Variants in RPAP3 observed in about 807,000 individuals in gnomAD.
The protein encoded by RPAP3 is RNA polymerase II-associated protein 3.
In RPAP3, 58 loss-of-function variants were observed where a neutral mutation model predicts 88.8. That is an observed-to-expected ratio of 0.65 (90% CI 0.53 to 0.81). RPAP3 has a LOEUF of 0.81. Ranked by LOEUF, RPAP3 falls within the 40% of genes least tolerant of loss-of-function variation. The pLI, the probability that RPAP3 is intolerant of heterozygous loss-of-function variation, is 0.00. For missense variants in RPAP3, 751 were observed against 764.3 expected (o/e 0.98, Z 0.20); for synonymous variants, 255 against 259.9 (o/e 0.98, Z 0.18).
chr12:47,672,310 C>T (rs1295615800), intron 12 of RPAP3, among the ~76,000 whole-genome samples: 2 of 152,204 alleles, frequency 1.3e-5, no homozygotes, highest in Non-Finnish European at 2.9e-5. Context: ...AATCCTGAGA[C>T]TCATTCTCTT....
At chr12:47,664,874 A>G (rs891144844) in intron 16 of RPAP3, 3 of 152,208 alleles carry the variant, frequency 2.0e-5, no homozygotes, top group Admixed American at 2.0e-4. Flanking sequence ...ATAAACATAC[A>G]CATGAACCAC....
intron 8 of RPAP3, 48 bp from the exon 9 acceptor site, chr12:47,686,955 A>C (rs758413216): frequency 1.7e-6 from 2 of 1,168,160 alleles, no homozygotes; most frequent in African/African-American, 1.6e-5. Flanking sequence ...AATTTCAAAA[A>C]AAATAAATGA....
At chr12:47,671,619 CAT>C (rs1231470485) in intron 12 of RPAP3, among the ~76,000 whole-genome samples, 2 of 152,138 alleles carry the variant, frequency 1.3e-5, no homozygotes, top group Admixed American at 1.3e-4. Flanking sequence ...AAAGAATAAT[CAT>C]ATTAAGTTAA....
intron 9 of RPAP3, among the ~76,000 whole-genome samples, chr12:47,682,805 T>C (rs1158348749): frequency 6.6e-6 from 1 of 152,188 alleles, no homozygotes; most frequent in Non-Finnish European, 1.5e-5. Flanking sequence ...ACATCTCTGA[T>C]TTATTTAACT....
chr12:47,686,475 A>G (rs762617745), intron 9 of RPAP3, among the ~76,000 whole-genome samples: 9 of 151,960 alleles, frequency 5.9e-5, no homozygotes, highest in Admixed American at 2.0e-4. Flanking sequence ...ATTAACAAGA[A>G]CATCTACTGA....
intron 4 of RPAP3, among the ~76,000 whole-genome samples, chr12:47,696,639 GA>G (rs1182035735): frequency 6.6e-6 from 1 of 151,298 alleles, no homozygotes; most frequent in African/African-American, 2.4e-5. Flanking sequence ...TACTCAATAT[GA>G]AGATGACAAA....
chr12:47,668,873 G>T (rs777505488), intron 14 of RPAP3, 43 bp downstream of exon 14: 8 of 1,471,890 alleles, frequency 5.4e-6, no homozygotes, highest in African/African-American at 1.4e-5. Flanking sequence ...GAAGTTCTCT[G>T]ACCTTTTACT....
At chr12:47,683,772 C>T (rs1328677989) in intron 9 of RPAP3, among the ~76,000 whole-genome samples, 1 of 152,176 alleles carries the variant, frequency 6.6e-6, no homozygotes, top group East Asian at 1.9e-4. Context: ...CTCTGCCTAG[C>T]TCCTTAGCCC....
rs1465414297 is a variant in RPAP3 at position 47,696,392 on chromosome 12, G to GT, written c.428dup (p.Tyr143Ter). 6.3e-7 allele frequency: 1 copy of GT among 1,576,904 alleles called. No individual in the cohort carries two copies. Among genetic ancestry groups the GT allele is most frequent in the Non-Finnish European group, 8.6e-7 (1 of 1,159,634 alleles). Residue 143 changes from tyrosine (Y) to a stop codon, truncating the protein, a stop_gained and frameshift_variant, in exon 5 of 17, where the codon TAC (tyrosine) becomes TAAC (stop). Transcript: ENST00000005386. LOFTEE classifies it high-confidence loss of function. Reference sequence around the variant, plus strand: ...CTTCATCATATTTTCCTTGTTTGAAGTATTTATTGCCCTGAAAGAAAATTA... The same window carrying GT: ...CTTCATCATATTTTCCTTGTTTGAAGTTATTTATTGCCCTGAAAGAAAATTA... ...ALVLKEKGNKYFKQGKYDEAI... is the reference protein window; with the variant it reads ...ALVLKEKGNK
Position 47,661,325 on chromosome 12 carries a change from CT to C in RPAP3, c.*2179del, listed in dbSNP as rs1938756394. On this transcript the variant is annotated 3_prime_UTR_variant, in exon 17 of 17. Coordinates refer to ENST00000005386, the MANE Select transcript of RPAP3 (RefSeq NM_024604.3). ...GCAACAATATGACAGCCCCTAAAGA[CT>C]GTTCTTTATTCTAATCACTTTTAGG... is the stretch of plus-strand genomic sequence containing the variant. 1 of 151,942 alleles carries C rather than the reference CT, an allele frequency of 6.6e-6. No homozygotes were observed. The highest frequency in any genetic ancestry group is 1.5e-5 in the Non-Finnish European group (1 of 68,008). 9.4% of individuals were successfully genotyped at this position (151,942 alleles called of 1,614,324 possible).
intron 12 of RPAP3, 59 bp downstream of exon 12, chr12:47,679,434 C>T (rs2136621017): frequency 1.8e-6 from 2 of 1,132,918 alleles, no homozygotes; most frequent in East Asian, 2.4e-5. Flanking sequence ...AGTTGGTTTC[C>T]AATTCTCCTA....
rs905962045 is a variant in RPAP3, at chr12:47,702,427, G to A, written c.153+261C>T. On this transcript the variant is annotated intron_variant, in intron 2 of 16. Transcript: ENST00000005386. ...AAAGTAGCTGGGCGTGGTGGTGCAC[G>A]CCTGTAGTCCCAGTTACTCAGGAGG... 2.6e-5 allele frequency among the ~76,000 whole-genome samples: 4 copies of A among 151,702 alleles called. No individual in the cohort carries two copies. In the East Asian group the frequency reaches 5.8e-4, roughly 22 times the overall value.
intron 5 of RPAP3, among the ~76,000 whole-genome samples, chr12:47,692,745 C>A (rs1285186709): frequency 6.6e-6 from 1 of 152,208 alleles, no homozygotes; most frequent in African/African-American, 2.4e-5. Flanking sequence ...CACAAGAGGC[C>A]TAGCTTTCAG....
chr12:47,680,370 G>A (rs185308734), intron 10 of RPAP3, among the ~76,000 whole-genome samples: 3 of 152,220 alleles, frequency 2.0e-5, no homozygotes, highest in Admixed American at 2.0e-4. Context: ...TTCTGGTGAT[G>A]GACAGTGGTG....
chr12:47,687,850 T>C, intron 8 of RPAP3, 26 bp downstream of exon 8: 1 of 1,607,188 alleles, frequency 6.2e-7, no homozygotes, highest in Non-Finnish European at 8.5e-7. Context: ...ACATATACAT[T>C]GTACGTTGGA....
intron 2 of RPAP3, among the ~76,000 whole-genome samples, chr12:47,702,226 CTT>C (rs1200439948): frequency 2.0e-5 from 3 of 152,118 alleles, no homozygotes; most frequent in Non-Finnish European, 4.4e-5. Context: ...ATTACAAAGA[CTT>C]TTTGAAAAGC....
At chr12:47,674,268 A>G (rs1037135873) in intron 12 of RPAP3, among the ~76,000 whole-genome samples, 4 of 152,172 alleles carry the variant, frequency 2.6e-5, no homozygotes, top group African/African-American at 9.7e-5. Context: ...GACCAAAGGG[A>G]GATTAAACCA....
At chr12:47,705,802 C>T (rs888329448) in intron 1 of RPAP3, 150 bp downstream of exon 1, 20 of 158,042 alleles carry the variant, frequency 1.3e-4, no homozygotes, top group Non-Finnish European at 1.1e-4. Context: ...CTGCCCTGGA[C>T]ACCGACGCGC....
chr12:47,664,634 T>G (rs1592465135), intron 16 of RPAP3: 1 of 152,326 alleles, frequency 6.6e-6, no homozygotes, highest in South Asian at 2.1e-4. Context: ...CATGTTTAAC[T>G]TAGCAGACAG....
Sources: gnomAD v4.1 joint callset for allele counts (sites outside exome capture counted in the v4.1 genomes callset) on GRCh38, gnomAD v4.1.1 for gene constraint, MANE v1.5 for transcripts, NCBI Gene and HGNC (gene_info 2026-07-23, HGNC 2026-07-21) for gene names.